Variants in GLRX3 observed in about 807,000 individuals in gnomAD.
The protein encoded by GLRX3 is glutaredoxin-3.
Under a neutral mutation model 49.5 loss-of-function variants are expected in GLRX3, and 22 were observed. The observed-to-expected ratio is 0.44, with a 90% confidence interval of 0.32 to 0.63. The LOEUF (loss-of-function observed/expected upper bound fraction) is 0.63. GLRX3 is among the 30% of genes least tolerant of loss of function. The probability of loss-of-function intolerance (pLI) is 0.05; values close to 1 mark genes in which losing one functional copy is unlikely to be tolerated. For missense variants in GLRX3, 385 were observed against 396.3 expected (o/e 0.97, Z 0.24); for synonymous variants, 133 against 140.0 (o/e 0.95, Z 0.35).
At chr10:130,147,583 AC>A (rs1862293195) in intron 2 of GLRX3, among the ~76,000 whole-genome samples, 1 of 152,210 alleles carries the variant, frequency 6.6e-6, no homozygotes, top group South Asian at 2.1e-4. Flanking sequence ...AGGAGTCATC[AC>A]TTTCCAGAAA....
chr10:130,160,416 G>A (rs549306033), intron 3 of GLRX3, among the ~76,000 whole-genome samples: 54 of 152,190 alleles, frequency 3.5e-4, no homozygotes, highest in Non-Finnish European at 6.6e-4. Flanking sequence ...ATCTCTGGCT[G>A]GTTCTGGTTT....
At chr10:130,141,676 G>A (rs1016115827) in intron 1 of GLRX3, among the ~76,000 whole-genome samples, 13 of 152,194 alleles carry the variant, frequency 8.5e-5, no homozygotes, top group African/African-American at 1.4e-4. Context: ...GTTACATTCT[G>A]TTGTATGAAT....
Position 130,167,527 on chromosome 10 carries a change from T to G in GLRX3, c.713+547T>G, listed in dbSNP as rs140110497. Among the ~76,000 whole-genome samples, 812 of 152,326 alleles carry G rather than the reference T, an allele frequency of 5.3e-3. 2 individuals are homozygous for G. Among genetic ancestry groups the G allele is most frequent in the African/African-American group, 0.018 (767 of 41,568 alleles). On this transcript the variant is annotated intron_variant, in intron 6 of 10. Transcript: ENST00000331244. ...TTTTATCAAGGATCTCACTTGGCTT[T>G]TAGAGACGTTCTCTTACAGAAATGT...
At chr10:130,170,786 GA>G (rs1862791434) in intron 7 of GLRX3, among the ~76,000 whole-genome samples, 1 of 152,110 alleles carries the variant, frequency 6.6e-6, no homozygotes, top group African/African-American at 2.4e-5. Flanking sequence ...CCTGTGGCAT[GA>G]AAAAAGCTTA....
In GLRX3 at chr10:130,169,158, G is replaced by T. The variant is rs536073081; in HGVS notation, c.714-275G>T. On this transcript the variant is annotated intron_variant, in intron 6 of 10. Transcript: ENST00000331244. ...TATTGAACAATTCCTTACTGAATTG[G>T]TTATTATTATTATTTTTTTATTACT... Among the ~76,000 whole-genome samples the T allele has an allele frequency of 6.5e-4, 99 of 152,192 alleles. No individual in the cohort carries two copies. The Middle Eastern group carries it at 0.041, about 63-fold the overall frequency.
chr10:130,168,998 G>A (rs1862750174), intron 6 of GLRX3, among the ~76,000 whole-genome samples: 1 of 152,144 alleles, frequency 6.6e-6, no homozygotes, highest in Admixed American at 6.6e-5. Flanking sequence ...GATGTTCTGA[G>A]GTTTAACGCT....
At chr10:130,167,694 AT>A (rs1278775058) in intron 6 of GLRX3, among the ~76,000 whole-genome samples, 7 of 151,546 alleles carry the variant, frequency 4.6e-5, no homozygotes, top group African/African-American at 1.7e-4. Flanking sequence ...TCCTTTGGTA[AT>A]TTTTTTTTGC....
At chr10:130,170,522 A>G (rs1590072307) in intron 7 of GLRX3, among the ~76,000 whole-genome samples, 2 of 152,244 alleles carry the variant, frequency 1.3e-5, no homozygotes, top group East Asian at 3.8e-4. Context: ...TGTTGGAAAC[A>G]TTAGGTTAGG....
intron 4 of GLRX3, among the ~76,000 whole-genome samples, chr10:130,163,074 T>A (rs1862607551): frequency 6.6e-6 from 1 of 152,312 alleles, no homozygotes; most frequent in African/African-American, 2.4e-5. Context: ...ATTATGTTTA[T>A]TATAATGGAG....
At chr10:130,157,584 A>G (rs941119770) in intron 2 of GLRX3, among the ~76,000 whole-genome samples, 7 of 135,504 alleles carry the variant, frequency 5.2e-5, no homozygotes, top group African/African-American at 2.0e-4. Context: ...TCTCTTCCCA[A>G]AACACCCTCA....
chr10:130,151,587 G>T (rs751125860), intron 2 of GLRX3, among the ~76,000 whole-genome samples: 27 of 150,634 alleles, frequency 1.8e-4, no homozygotes, highest in African/African-American at 6.6e-4. Flanking sequence ...TGTTCTCATT[G>T]TTCAGCTCCC....
At chr10:130,166,318 G>A (rs1440107352) in intron 4 of GLRX3, among the ~76,000 whole-genome samples, 189 bp from the exon 5 acceptor site, 1 of 151,550 alleles carries the variant, frequency 6.6e-6, no homozygotes, top group African/African-American at 2.4e-5. Flanking sequence ...TATGGTTCAA[G>A]GTCAAATAAG....
At chr10:130,164,657 A>G (rs1303973358) in intron 4 of GLRX3, among the ~76,000 whole-genome samples, 1 of 152,194 alleles carries the variant, frequency 6.6e-6, no homozygotes, top group African/African-American at 2.4e-5. Flanking sequence ...AAGGTGTGTA[A>G]ATATTTTGTT....
intron 2 of GLRX3, among the ~76,000 whole-genome samples, chr10:130,158,172 C>T (rs1307044075): frequency 6.6e-6 from 1 of 151,980 alleles, no homozygotes; most frequent in Admixed American, 6.6e-5. Context: ...ATTGTTACTC[C>T]ACTGGAAATC....
chr10:130,146,059 C>T (rs1280305338), intron 2 of GLRX3, among the ~76,000 whole-genome samples: 1 of 152,136 alleles, frequency 6.6e-6, no homozygotes, highest in Non-Finnish European at 1.5e-5. Context: ...TCCCAAAGTA[C>T]TGTGATTAGG....
chr10:130,147,291 G>A (rs536439033), intron 2 of GLRX3, among the ~76,000 whole-genome samples: 6 of 152,330 alleles, frequency 3.9e-5, no homozygotes, highest in Admixed American at 3.3e-4. Context: ...CAAGATGATG[G>A]TAATTGTTCT....
chr10:130,144,153 C>T (rs545242245), intron 1 of GLRX3, among the ~76,000 whole-genome samples: 3 of 152,250 alleles, frequency 2.0e-5, no homozygotes, highest in South Asian at 4.1e-4. Context: ...CATCACTATA[C>T]CACATTTAAA....
rs1245875199 is a variant in GLRX3, at chr10:130,171,576, T to G, written c.772-8T>G. On this transcript the variant is annotated splice_polypyrimidine_tract_variant and splice_region_variant and intron_variant, in intron 7 of 10. Coordinates refer to ENST00000331244, the MANE Select transcript of GLRX3 (RefSeq NM_006541.5). ...AATTGTAATCTTTGCAAATTTTTTT[T>G]CATTTAGGAAGCAAAATGTGGATTC... 3 of 1,486,502 alleles carry G rather than the reference T, an allele frequency of 2.0e-6. No individual in the cohort carries two copies. The African/African-American group carries it at 4.1e-5, about 21-fold the overall frequency. 92.1% of individuals were successfully genotyped at this position (1,486,502 alleles called of 1,614,324 possible).
intron 1 of GLRX3, among the ~76,000 whole-genome samples, chr10:130,140,548 C>A (rs914781313): frequency 6.6e-6 from 1 of 152,126 alleles, no homozygotes; most frequent in Non-Finnish European, 1.5e-5. Flanking sequence ...ATTTTTGTTT[C>A]ATCTTCTCAA....
Sources: allele counts gnomAD v4.1 joint callset (sites outside exome capture counted in the v4.1 genomes callset), GRCh38; gene constraint gnomAD v4.1.1; transcripts MANE v1.5; gene names NCBI Gene and HGNC (gene_info 2026-07-23, HGNC 2026-07-21).